RARS2: variants seen among roughly 807,000 people sequenced by gnomAD.
The protein encoded by RARS2 is probable arginine--tRNA ligase, mitochondrial.
RARS2 carries 67 observed loss-of-function variants against 88.5 expected under a neutral mutation model. The observed-to-expected ratio is 0.76, with a 90% confidence interval of 0.62 to 0.93. The LOEUF (loss-of-function observed/expected upper bound fraction) is 0.93, where lower values mean the gene tolerates loss of function less well. Ranked by LOEUF, RARS2 falls within the 40% of genes least tolerant of loss-of-function variation. The pLI is 0.00. For missense variants in RARS2, 664 were observed against 684.2 expected, an observed-to-expected ratio of 0.97 and a Z score of 0.33; for synonymous variants, 239 against 230.3, an observed-to-expected ratio of 1.04 and a Z score of -0.34.
chr6:87,537,180 A>T (rs1021835049), intron 8 of RARS2, among the ~76,000 whole-genome samples: 15 of 152,268 alleles, frequency 9.9e-5, no homozygotes, highest in African/African-American at 3.6e-4. Flanking sequence ...TGGATGGCCT[A>T]TGCCAAATTC....
At chr6:87,562,249 T>A (rs549955789) in intron 4 of RARS2, among the ~76,000 whole-genome samples, 2 of 152,206 alleles carry the variant, frequency 1.3e-5, no homozygotes, top group African/African-American at 4.8e-5. Context: ...TACAGTCTAC[T>A]ATACGCCTAG....
At chr6:87,588,120 C>A (rs78832253) in intron 1 of RARS2, among the ~76,000 whole-genome samples, 10,736 of 152,144 alleles carry the variant, frequency 0.071, 407 homozygotes, top group East Asian at 0.095. Flanking sequence ...AAACTAAACA[C>A]AATTTGTTTC....
intron 1 of RARS2, among the ~76,000 whole-genome samples, chr6:87,569,907 A>G (rs1769117940): frequency 6.6e-6 from 1 of 152,008 alleles, no homozygotes; most frequent in Admixed American, 6.5e-5. Flanking sequence ...AAAAAAAAAA[A>G]GTATGGCAAG....
intron 5 of RARS2, among the ~76,000 whole-genome samples, chr6:87,551,122 G>T (rs986427273): frequency 2.0e-5 from 3 of 152,098 alleles, no homozygotes; most frequent in African/African-American, 7.2e-5. Context: ...AGGTCTTCAA[G>T]TTTTGACAAA....
intron 1 of RARS2, among the ~76,000 whole-genome samples, chr6:87,575,024 C>T (rs1282587800): frequency 6.6e-6 from 1 of 151,768 alleles, no homozygotes; most frequent in Non-Finnish European, 1.5e-5. Context: ...AACATGCAGA[C>T]AGGAAGGAAG....
In RARS2 at chr6:87,541,992, G is replaced by A. The variant is rs1041393327; in HGVS notation, c.538C>T (p.Leu180Phe). Residue 180 changes from leucine (L) to phenylalanine (F), a missense_variant and splice_region_variant, in exon 8 of 20, where the codon CTT (leucine) becomes TTT (phenylalanine). Transcript: ENST00000369536. ...YLGDWGMQFG[L>F]LGTGFQLFGY... ...AACAGCTGGAAGCCAGTTCCCAGAA[G>A]ACCTACCATGATAATCCGTAAATGA... 1 of 1,610,832 alleles carries A rather than the reference G, an allele frequency of 6.2e-7. No individual in the cohort carries two copies. Among genetic ancestry groups the A allele is most frequent in the Non-Finnish European group, 8.5e-7 (1 of 1,177,444 alleles).
chr6:87,514,934 A>G, intron 19 of RARS2, 23 bp downstream of exon 19: 1 of 1,584,718 alleles, frequency 6.3e-7, no homozygotes, highest in Non-Finnish European at 8.7e-7. Flanking sequence ...GGGATTATAC[A>G]GAAAACATTC....
intron 7 of RARS2, among the ~76,000 whole-genome samples, chr6:87,543,715 C>A (rs1229982363): frequency 6.6e-6 from 1 of 152,006 alleles, no homozygotes; most frequent in Non-Finnish European, 1.5e-5. Flanking sequence ...TACTGATACA[C>A]ATTTTTCTAT....
intron 11 of RARS2, 119 bp downstream of exon 11, chr6:87,524,438 G>A (rs2128034711): frequency 1.2e-6 from 1 of 855,246 alleles, no homozygotes; most frequent in South Asian, 1.4e-5. Flanking sequence ...CAGTTTTACA[G>A]TTTATAGAAT....
intron 8 of RARS2, among the ~76,000 whole-genome samples, chr6:87,534,165 CA>C (rs1778433879): frequency 6.6e-6 from 1 of 152,102 alleles, no homozygotes; most frequent in Non-Finnish European, 1.5e-5. Flanking sequence ...AAATTAAAGA[CA>C]TTCAAATGTG....
intron 4 of RARS2, among the ~76,000 whole-genome samples, chr6:87,556,101 T>C (rs9342115): frequency 0.078 from 11,859 of 152,210 alleles, 466 homozygotes; most frequent in East Asian, 0.11. Context: ...AGGAAAAAGA[T>C]AAAAATGTAT....
chr6:87,586,369 A>G (rs1775158090), intron 1 of RARS2, among the ~76,000 whole-genome samples: 1 of 152,124 alleles, frequency 6.6e-6, no homozygotes, highest in Non-Finnish European at 1.5e-5. Flanking sequence ...TCCTCTTGCA[A>G]TACCTGACCT....
chr6:87,570,761 C>A (rs1769421257), intron 1 of RARS2, among the ~76,000 whole-genome samples: 1 of 152,070 alleles, frequency 6.6e-6, no homozygotes, highest in South Asian at 2.1e-4. Flanking sequence ...CTATGTTGAC[C>A]AAGCTGGCCT....
Position 87,555,392 on chromosome 6 carries a change from AG to A in RARS2, c.395+15del. 2 of 1,597,198 alleles carry A rather than the reference AG, an allele frequency of 1.3e-6. No individual in the cohort carries two copies. Among genetic ancestry groups the A allele is most frequent in the Non-Finnish European group, 1.7e-6 (2 of 1,164,782 alleles). On this transcript the variant is annotated intron_variant, in intron 5 of 19. Coordinates refer to ENST00000369536, the MANE Select transcript of RARS2 (RefSeq NM_020320.5). ...TCAACTTGATTAAGCAACACATAAAAGGGGTGCACCCTCACCTGAATTCAAC... is the reference window on the plus strand; with the variant it reads ...TCAACTTGATTAAGCAACACATAAAAGGGTGCACCCTCACCTGAATTCAAC...
At chr6:87,527,332 T>A (rs1017325019) in intron 10 of RARS2, among the ~76,000 whole-genome samples, 1 of 151,782 alleles carries the variant, frequency 6.6e-6, no homozygotes, top group Non-Finnish European at 1.5e-5. Flanking sequence ...GAAAGGACAG[T>A]CTCTTCAATA....
At position 87,518,487 on chromosome 6, in the gene RARS2, TC is replaced by T. The variant is rs1562053953; in HGVS notation, c.1415+142del. 5 of 1,273,012 alleles carry T rather than the reference TC, an allele frequency of 3.9e-6. No individual in the cohort carries two copies. In the African/African-American group the frequency reaches 7.6e-5, roughly 19 times the overall value. The allele number at this position is 1,273,012 out of a possible 1,614,324, so 78.9% of individuals were successfully genotyped here. On this transcript the variant is annotated intron_variant, in intron 16 of 19. Transcript: ENST00000369536. ...AGGTGCTCAATAAATTTTTTTTTTTTCCTAAAAGAAGGTCTACTCTAGTCAG... is the reference window on the plus strand; with the variant it reads ...AGGTGCTCAATAAATTTTTTTTTTTTCTAAAAGAAGGTCTACTCTAGTCAG...
At chr6:87,544,077 G>A (rs68105619) in intron 7 of RARS2, among the ~76,000 whole-genome samples, 1 of 152,136 alleles carries the variant, frequency 6.6e-6, no homozygotes, top group South Asian at 2.1e-4. Flanking sequence ...ATTAACCACA[G>A]CAGTCCTTTA....
chr6:87,519,233 T>C, intron 14 of RARS2: 1 of 325,618 alleles, frequency 3.1e-6, no homozygotes, highest in Non-Finnish European at 5.8e-6. Context: ...TATATATATC[T>C]GATACTTAGT....
chr6:87,526,286 C>T (rs1582352807), intron 10 of RARS2, among the ~76,000 whole-genome samples: 1 of 152,128 alleles, frequency 6.6e-6, no homozygotes, highest in Admixed American at 6.5e-5. Context: ...GGGGCCAAGG[C>T]AAGTGGATCA....
Sources: gnomAD v4.1 joint callset for allele counts (sites outside exome capture counted in the v4.1 genomes callset) on GRCh38, gnomAD v4.1.1 for gene constraint, MANE v1.5 for transcripts, NCBI Gene and HGNC (gene_info 2026-07-23, HGNC 2026-07-21) for gene names.